NOX4: variants seen among roughly 807,000 people sequenced by gnomAD.
The protein encoded by NOX4 is kidney oxidase-1.
NOX4 carries 69 observed loss-of-function variants against 87.6 expected under a neutral mutation model. The observed-to-expected ratio is 0.79, with a 90% CI of 0.65 to 0.96. The LOEUF (loss-of-function observed/expected upper bound fraction) is 0.96. Ranked by LOEUF, NOX4 falls within the 40% of genes least tolerant of loss-of-function variation. The pLI, the probability that NOX4 is intolerant of heterozygous loss-of-function variation, is 0.00. For synonymous variants in NOX4, 275 were observed against 238.2 expected (o/e 1.15, Z -1.42); for missense variants, 680 against 681.5 (o/e 1.00, Z 0.02).
At chr11:89,356,948 C>T (rs1029692902) in intron 12 of NOX4, among the ~76,000 whole-genome samples, 14 of 152,214 alleles carry the variant, frequency 9.2e-5, no homozygotes, top group South Asian at 4.1e-4. Context: ...TTGATACGGT[C>T]GCACAGTCAG....
At chr11:89,358,386 C>A (rs1475643007) in intron 12 of NOX4, among the ~76,000 whole-genome samples, 63 of 78,134 alleles carry the variant, frequency 8.1e-4, no homozygotes, top group Middle Eastern at 9.6e-3. Flanking sequence ...AACTTAATCT[C>A]AAAAAAAAAA....
chr11:89,423,736 T>C (rs1943214635), intron 7 of NOX4, among the ~76,000 whole-genome samples: 1 of 151,596 alleles, frequency 6.6e-6, no homozygotes, highest in African/African-American at 2.4e-5. Context: ...GTTGTTGAAA[T>C]TGCAACACTC....
chr11:89,424,037 T>A (rs547147481), intron 7 of NOX4, among the ~76,000 whole-genome samples: 46 of 152,102 alleles, frequency 3.0e-4, no homozygotes, highest in Admixed American at 5.9e-4. Context: ...CTTATCACTG[T>A]ATTCCAGCCT....
In NOX4 at chr11:89,424,678, T is replaced by A. The variant is rs962005278; in HGVS notation, c.549-2696A>T. On this transcript the variant is annotated intron_variant, in intron 7 of 17. Transcript: ENST00000263317. ...GAGTTCATATTAGTAAGTGCCATTT[T>A]AAAATCAATTGAGATGAGAAAATTT... Among the ~76,000 whole-genome samples the A allele has an allele frequency of 5.9e-5, 9 of 152,112 alleles. No individual in the cohort carries two copies. In the South Asian group the frequency reaches 1.9e-3, roughly 32 times the overall value.
chr11:89,481,989 C>A (rs542203782), intron 2 of NOX4, among the ~76,000 whole-genome samples: 2 of 152,040 alleles, frequency 1.3e-5, no homozygotes, highest in Non-Finnish European at 2.9e-5. Flanking sequence ...TCCCTGAATT[C>A]ATACTCTTGA....
intron 2 of NOX4, among the ~76,000 whole-genome samples, chr11:89,481,862 G>A (rs1468247499): frequency 6.6e-6 from 1 of 152,048 alleles, no homozygotes; most frequent in Non-Finnish European, 1.5e-5. Context: ...CCAGAAGAAA[G>A]TATATACAAC....
the NOX4 span, among the ~76,000 whole-genome samples, chr11:89,528,471 T>C: frequency 6.6e-6 from 1 of 152,178 alleles, no homozygotes; most frequent in Non-Finnish European, 1.5e-5. Context: ...TCATCTTGAA[T>C]TGTAATTCTC....
chr11:89,438,824 AATATCT>A (rs1944275036), intron 6 of NOX4, among the ~76,000 whole-genome samples: 3 of 48,034 alleles, frequency 6.2e-5, no homozygotes, highest in African/African-American at 3.7e-4. Flanking sequence ...TATATTATAT[AATATCT>A]TATATATTAT....
upstream of NOX4, among the ~76,000 whole-genome samples, chr11:89,495,084 A>C (rs1352336205): frequency 6.6e-6 from 1 of 152,182 alleles, no homozygotes; most frequent in Non-Finnish European, 1.5e-5. Flanking sequence ...CTGGGACTAC[A>C]GGTGCACACC....
chr11:89,441,297 G>A (rs990582572), intron 5 of NOX4, among the ~76,000 whole-genome samples: 1 of 152,102 alleles, frequency 6.6e-6, no homozygotes, highest in Admixed American at 6.6e-5. Context: ...AATATTGTAT[G>A]ATTTCCTTTA....
At chr11:89,579,338 T>C in the NOX4 span, among the ~76,000 whole-genome samples, 122 of 152,280 alleles carry the variant, frequency 8.0e-4, no homozygotes, top group African/African-American at 2.7e-3. Context: ...TGTATGTTCA[T>C]CAATTGTAGT....
At chr11:89,570,812 C>T in the NOX4 span, among the ~76,000 whole-genome samples, 1 of 152,168 alleles carries the variant, frequency 6.6e-6, no homozygotes, top group Non-Finnish European at 1.5e-5. Flanking sequence ...GGAAAGACAG[C>T]AAGACCCTAT....
chr11:89,549,456 A>C, the NOX4 span, among the ~76,000 whole-genome samples: 2 of 152,178 alleles, frequency 1.3e-5, no homozygotes, highest in Non-Finnish European at 2.9e-5. Context: ...TGCTTTTTCA[A>C]ACTTGTTTAA....
At chr11:89,509,614 A>G in the NOX4 span, among the ~76,000 whole-genome samples, 1 of 152,098 alleles carries the variant, frequency 6.6e-6, no homozygotes, top group Admixed American at 6.6e-5. Context: ...TTAGAATGGT[A>G]TTTGTTAATG....
intron 8 of NOX4, among the ~76,000 whole-genome samples, chr11:89,408,915 G>C (rs1942326273): frequency 6.6e-6 from 1 of 152,092 alleles, no homozygotes; most frequent in East Asian, 1.9e-4. Context: ...CACAATCTCT[G>C]TGCAGCTGAC....
In NOX4 at chr11:89,373,573, T is replaced by C. The variant is rs908897026; in HGVS notation, c.1075-81A>G. 21 of 888,426 alleles carry C rather than the reference T, an allele frequency of 2.4e-5. No individual in the cohort carries two copies. In the African/African-American group the frequency reaches 3.0e-4, roughly 13 times the overall value. 55.0% of individuals were successfully genotyped at this position (888,426 alleles called of 1,614,324 possible). On this transcript the variant is annotated intron_variant, in intron 11 of 17. Coordinates refer to ENST00000263317, the MANE Select transcript of NOX4 (RefSeq NM_016931.5). ...AATTCAATTACAACTTTTATCCTGA[T>C]AGCAAGTCCCCCATATCAATAGATA...
intron 12 of NOX4, among the ~76,000 whole-genome samples, chr11:89,358,770 A>G (rs1938283181): frequency 6.6e-6 from 1 of 151,918 alleles, no homozygotes; most frequent in Admixed American, 6.6e-5. Context: ...TAAAAAAAAA[A>G]AAAGATATAT....
At chr11:89,448,433 A>G (rs1026981348) in intron 4 of NOX4, among the ~76,000 whole-genome samples, 9 of 152,160 alleles carry the variant, frequency 5.9e-5, no homozygotes, top group Non-Finnish European at 1.0e-4. Context: ...TAGCACAAAG[A>G]TCATTGCTTT....
chr11:89,477,433 C>A (rs1946211939), intron 2 of NOX4, among the ~76,000 whole-genome samples: 1 of 152,116 alleles, frequency 6.6e-6, no homozygotes, highest in Non-Finnish European at 1.5e-5. Context: ...TGCTTGCCTG[C>A]CAGCTGCTCA....
Sources: allele counts gnomAD v4.1 joint callset (sites outside exome capture counted in the v4.1 genomes callset), GRCh38; gene constraint gnomAD v4.1.1; transcripts MANE v1.5; gene names NCBI Gene and HGNC (gene_info 2026-07-23, HGNC 2026-07-21).